PRKG1: variants seen among roughly 807,000 people sequenced by gnomAD.
PRKG1 encodes cGMP-dependent protein kinase 1.
A neutral mutation model predicts 88.1 loss-of-function variants in PRKG1; 35 were observed. The ratio of observed to expected loss-of-function variants is 0.40; its 90% CI spans 0.30 to 0.53. The LOEUF is 0.53. PRKG1 is among the 20% of genes least tolerant of loss of function. PRKG1 has a pLI of 0.59. For missense variants in PRKG1, 540 were observed against 839.8 expected (o/e 0.64, Z 4.41); for synonymous variants, 303 against 292.5 (o/e 1.04, Z -0.37).
At chr10:51,250,758 C>T (rs1839406659) in intron 2 of PRKG1, among the ~76,000 whole-genome samples, 2 of 151,706 alleles carry the variant, frequency 1.3e-5, no homozygotes, top group Non-Finnish European at 3.0e-5. Flanking sequence ...TTTGACAGGC[C>T]ATGCAAACCC....
chr10:51,712,086 TGGCA>T (rs985292123), intron 3 of PRKG1, among the ~76,000 whole-genome samples: 2 of 151,648 alleles, frequency 1.3e-5, no homozygotes, highest in Non-Finnish European at 2.9e-5. Context: ...CTGAAGAAAC[TGGCA>T]AACATGTGTA....
intron 2 of PRKG1, among the ~76,000 whole-genome samples, chr10:51,388,958 T>C (rs922241660): frequency 1.3e-5 from 2 of 152,236 alleles, no homozygotes; most frequent in African/African-American, 4.8e-5. Flanking sequence ...CTTTGAAACA[T>C]GGTAATTGAT....
chr10:52,171,987 A>G (rs957435169), intron 9 of PRKG1, among the ~76,000 whole-genome samples: 10 of 149,834 alleles, frequency 6.7e-5, no homozygotes, highest in African/African-American at 2.5e-4. Flanking sequence ...TATTTTTAGT[A>G]GAGGCGGGGT....
chr10:51,596,075 T>C (rs140176522), intron 3 of PRKG1, among the ~76,000 whole-genome samples: 10,936 of 152,166 alleles, frequency 0.072, 1,287 homozygotes, highest in African/African-American at 0.25. Flanking sequence ...ATGATCCACC[T>C]GCCTCGGCCT....
intron 3 of PRKG1, among the ~76,000 whole-genome samples, chr10:51,570,947 C>T (rs1029856156): frequency 2.0e-5 from 3 of 151,868 alleles, no homozygotes; most frequent in Non-Finnish European, 2.9e-5. Context: ...ATGGACATTT[C>T]GACTTATAAT....
intron 2 of PRKG1, among the ~76,000 whole-genome samples, chr10:51,299,081 A>C (rs1840802100): frequency 6.6e-6 from 1 of 152,196 alleles, no homozygotes; most frequent in Non-Finnish European, 1.5e-5. Flanking sequence ...CCTTTGCTCC[A>C]ATAAAATGGT....
intron 2 of PRKG1, among the ~76,000 whole-genome samples, chr10:51,439,432 T>C (rs1839032808): frequency 6.6e-6 from 1 of 151,872 alleles, no homozygotes; most frequent in Admixed American, 6.6e-5. Flanking sequence ...CAATACAAGA[T>C]AGATCTTAGC....
chr10:51,984,356 G>T (rs1451077761), intron 5 of PRKG1, among the ~76,000 whole-genome samples: 2 of 152,084 alleles, frequency 1.3e-5, no homozygotes, highest in African/African-American at 4.8e-5. Context: ...TATAAACAAA[G>T]TTTATTATTC....
chr10:51,207,726 A>G (rs1427487098), intron 2 of PRKG1, among the ~76,000 whole-genome samples: 1 of 152,166 alleles, frequency 6.6e-6, no homozygotes, highest in Admixed American at 6.5e-5. Context: ...GTGGAAGCCA[A>G]TGGCAACTTT....
chr10:51,836,929 T>C (rs1840147254), intron 4 of PRKG1, among the ~76,000 whole-genome samples: 1 of 152,184 alleles, frequency 6.6e-6, no homozygotes, highest in South Asian at 2.1e-4. Context: ...GAGATAGAGA[T>C]AGTGTCACTA....
Position 51,698,696 on chromosome 10 carries a change from G to C in PRKG1, c.593-105889G>C, listed in dbSNP as rs61746484. Reference sequence around the variant, plus strand: ...TGGCATTCCAAGTTGGGGCTGCATTGCTCCTCCAGGAGTTAAGGAACCAGG... The same window carrying C: ...TGGCATTCCAAGTTGGGGCTGCATTCCTCCTCCAGGAGTTAAGGAACCAGG... On this transcript the variant is annotated intron_variant, in intron 3 of 17. Coordinates refer to ENST00000373980, the MANE Select transcript of PRKG1 (RefSeq NM_006258.4). 46 of 1,614,202 alleles carry C rather than the reference G, an allele frequency of 2.8e-5. No individual in the cohort carries two copies. In the African/African-American group the frequency reaches 4.3e-4, roughly 15 times the overall value.
chr10:52,230,121 C>T (rs2132349840), intron 9 of PRKG1, among the ~76,000 whole-genome samples: 1 of 152,226 alleles, frequency 6.6e-6, no homozygotes, highest in East Asian at 1.9e-4. Context: ...AATGAAGAAA[C>T]TGAGTATTAG....
chr10:51,172,550 C>T (rs1321289377), intron 2 of PRKG1, among the ~76,000 whole-genome samples: 1 of 151,480 alleles, frequency 6.6e-6, no homozygotes, highest in African/African-American at 2.4e-5. Context: ...GAAAATTGGC[C>T]CTGTCTTTTT....
intron 5 of PRKG1, among the ~76,000 whole-genome samples, chr10:52,012,463 C>T (rs948071836): frequency 1.3e-5 from 2 of 152,018 alleles, no homozygotes; most frequent in Non-Finnish European, 2.9e-5. Context: ...AGAATGGTCT[C>T]GATCTCCTGA....
intron 2 of PRKG1, among the ~76,000 whole-genome samples, chr10:51,340,574 T>A (rs1442469912): frequency 6.6e-6 from 1 of 152,210 alleles, no homozygotes; most frequent in African/African-American, 2.4e-5. Context: ...TTGCAAAGTC[T>A]CTTTTAGGTC....
intron 5 of PRKG1, among the ~76,000 whole-genome samples, chr10:51,928,867 C>T (rs1368463865): frequency 6.6e-6 from 1 of 152,150 alleles, no homozygotes; most frequent in Non-Finnish European, 1.5e-5. Flanking sequence ...ATATAGTAGT[C>T]TAAAACGTAT....
At chr10:51,197,864 C>T (rs183382019) in intron 2 of PRKG1, among the ~76,000 whole-genome samples, 55 of 146,802 alleles carry the variant, frequency 3.7e-4, no homozygotes, top group African/African-American at 1.3e-3. Flanking sequence ...TTGCAGAAAC[C>T]AGAATTACTT....
At chr10:52,115,248 T>A (rs918142157) in intron 7 of PRKG1, among the ~76,000 whole-genome samples, 9 of 152,116 alleles carry the variant, frequency 5.9e-5, no homozygotes, top group African/African-American at 2.2e-4. Flanking sequence ...TGTTTTTTTT[T>A]AATTCATTCT....
chr10:51,833,056 T>G (rs1840042449), intron 4 of PRKG1, among the ~76,000 whole-genome samples: 1 of 152,144 alleles, frequency 6.6e-6, no homozygotes, highest in African/African-American at 2.4e-5. Context: ...CTTTTCTACT[T>G]AAATGATGTT....
Sources: allele counts gnomAD v4.1 joint callset (sites outside exome capture counted in the v4.1 genomes callset), GRCh38; gene constraint gnomAD v4.1.1; transcripts MANE v1.5; gene names NCBI Gene and HGNC (gene_info 2026-07-23, HGNC 2026-07-21).